The following MGST1 variants were observed in gnomAD, a reference collection of about 807,000 sequenced individuals.
MGST1 encodes microsomal glutathione S-transferase 1.
MGST1 carries 5 observed loss-of-function variants against 8.9 expected under a neutral mutation model. The observed-to-expected ratio is 0.56, with a 90% CI of 0.29 to 1.19. MGST1 has a LOEUF of 1.19. Ranked by LOEUF, MGST1 falls within the 50% of genes most tolerant of loss-of-function variation. The probability of loss-of-function intolerance (pLI) is 0.08; values close to 1 mark genes in which losing one functional copy is unlikely to be tolerated. For missense variants in MGST1, 182 were observed against 187.4 expected (o/e 0.97, Z 0.17); for synonymous variants, 54 against 67.8 (o/e 0.80, Z 1.00).
chr12:16,556,382 T>C (rs189401351), intron 4 of MGST1, among the ~76,000 whole-genome samples: 1 of 152,306 alleles, frequency 6.6e-6, no homozygotes, highest in Admixed American at 6.5e-5. Context: ...GATTCACGTT[T>C]TAGCTATACG....
intron 1 of MGST1, chr12:16,353,537 A>T (rs1456690284): frequency 6.6e-6 from 1 of 152,136 alleles, no homozygotes; most frequent in Non-Finnish European, 1.5e-5. Flanking sequence ...GCTGCTAGGT[A>T]CATAGCTTGA....
intron 4 of MGST1, among the ~76,000 whole-genome samples, chr12:16,534,298 G>A (rs1330727639): frequency 6.6e-6 from 1 of 152,122 alleles, no homozygotes; most frequent in Non-Finnish European, 1.5e-5. Context: ...TGAGATAAAA[G>A]GTATTTGTTA....
At position 16,425,524 on chromosome 12, in the gene MGST1, A is replaced by T. The variant is rs1263546840; in HGVS notation, n.779-11864A>T. Among the ~76,000 whole-genome samples, 3 of 152,140 alleles carry T rather than the reference A, an allele frequency of 2.0e-5. No individual in the cohort carries two copies. In the East Asian group the frequency reaches 5.8e-4, roughly 29 times the overall value. ...GTCTCAAACTCCAGAACTCAAAGTGATCTGCCTTCCAGGCCTCCCAAATTG... is the reference window on the plus strand; with the variant it reads ...GTCTCAAACTCCAGAACTCAAAGTGTTCTGCCTTCCAGGCCTCCCAAATTG... On this transcript the variant is annotated intron_variant and non_coding_transcript_variant, in intron 1 of 1. Coordinates refer to the MGST1 transcript ENST00000359720.
At chr12:16,467,545 A>T (rs1292351843) in intron 4 of MGST1, among the ~76,000 whole-genome samples, 1 of 152,216 alleles carries the variant, frequency 6.6e-6, no homozygotes. Context: ...GAGCCCACAG[A>T]CATAACAGTG....
intron 4 of MGST1, among the ~76,000 whole-genome samples, chr12:16,525,777 C>T (rs1473633419): frequency 6.0e-5 from 9 of 150,876 alleles, no homozygotes; most frequent in Non-Finnish European, 1.0e-4. Flanking sequence ...AAAAGTGTTC[C>T]TATTTCTCCA....
At chr12:16,510,843 A>G (rs1178614497) in intron 4 of MGST1, among the ~76,000 whole-genome samples, 1 of 152,188 alleles carries the variant, frequency 6.6e-6, no homozygotes, top group African/African-American at 2.4e-5. Flanking sequence ...ATAATTTAGA[A>G]GGGAAAGGCA....
At chr12:16,359,076 TA>T (rs530048499) in intron 3 of MGST1, among the ~76,000 whole-genome samples, 2 of 151,894 alleles carry the variant, frequency 1.3e-5, no homozygotes, top group Middle Eastern at 3.4e-3. Flanking sequence ...AAAAATGAAC[TA>T]AAAAAAATGT....
intron 4 of MGST1, among the ~76,000 whole-genome samples, chr12:16,508,200 G>T (rs1941553079): frequency 6.6e-6 from 1 of 152,126 alleles, no homozygotes; most frequent in Non-Finnish European, 1.5e-5. Flanking sequence ...TTAGTACATT[G>T]CTGGTAAATG....
At chr12:16,384,487 G>T (rs1224448718) in intron 1 of MGST1, among the ~76,000 whole-genome samples, 3 of 152,134 alleles carry the variant, frequency 2.0e-5, no homozygotes, top group Non-Finnish European at 2.9e-5. Flanking sequence ...AATGCCAAGG[G>T]TTGCAAGCAA....
In MGST1 at chr12:16,401,838, T is replaced by C; in HGVS notation, n.778+18234T>C. 1.2e-6 allele frequency: 2 copies of C among 1,605,100 alleles called. No homozygotes were observed. The highest frequency in any genetic ancestry group is 1.7e-6 in the Non-Finnish European group (2 of 1,171,740). Reference sequence around the variant, plus strand: ...CATGACTCTTTCCTTGAAGAATTTGTTGAAGACTTCAGAAGTGATGCCAGC... The same window carrying C: ...CATGACTCTTTCCTTGAAGAATTTGCTGAAGACTTCAGAAGTGATGCCAGC... On this transcript the variant is annotated intron_variant and non_coding_transcript_variant, in intron 1 of 1. Coordinates refer to the MGST1 transcript ENST00000359720. The surrounding 1 kb of genome is among the most constrained non-coding windows in gnomAD (Gnocchi z 4.3).
upstream of MGST1, among the ~76,000 whole-genome samples, chr12:16,382,358 A>G (rs188033810): frequency 6.6e-6 from 1 of 152,224 alleles, no homozygotes; most frequent in Non-Finnish European, 1.5e-5. Context: ...CTTCTAACAG[A>G]CAGGACCCTC....
chr12:16,392,093 T>G (rs1480085736), intron 1 of MGST1, among the ~76,000 whole-genome samples: 1 of 152,218 alleles, frequency 6.6e-6, no homozygotes, highest in Non-Finnish European at 1.5e-5. Context: ...TTCTGTTCCA[T>G]TGGTCTATGT....
chr12:16,367,292 C>T (rs988630547), downstream of MGST1: 4 of 152,042 alleles, frequency 2.6e-5, no homozygotes, highest in Non-Finnish European at 5.9e-5. Context: ...ATAGACGAGT[C>T]TATTTTGAAG....
At chr12:16,485,179 C>T (rs753647427) in intron 4 of MGST1, among the ~76,000 whole-genome samples, 1 of 152,184 alleles carries the variant, frequency 6.6e-6, no homozygotes, top group Non-Finnish European at 1.5e-5. Flanking sequence ...GGACATTGTT[C>T]TTGCCTTGTA....
At chr12:16,442,511 TTTTA>T (rs1376481759), downstream of MGST1, among the ~76,000 whole-genome samples, 1 of 151,750 alleles carries the variant, frequency 6.6e-6, no homozygotes, top group Non-Finnish European at 1.5e-5. This position sits in a 1 kb window ranked among gnomAD's most constrained non-coding sequence, Gnocchi z 4.5. Flanking sequence ...AGGTCTTTGT[TTTTA>T]TTTATTTTTT....
intron 1 of MGST1, among the ~76,000 whole-genome samples, chr12:16,390,347 G>C (rs1199694675): frequency 6.6e-6 from 1 of 152,040 alleles, no homozygotes; most frequent in Admixed American, 6.6e-5. Flanking sequence ...TGCTATATAG[G>C]CAAACTCATG....
chr12:16,571,723 C>T (rs1466672001), intron 4 of MGST1, among the ~76,000 whole-genome samples: 1 of 151,928 alleles, frequency 6.6e-6, no homozygotes, highest in African/African-American at 2.4e-5. Context: ...ATTAAATACC[C>T]TTTCAAGATA....
At chr12:16,521,909 C>A (rs1941650313) in intron 4 of MGST1, among the ~76,000 whole-genome samples, 1 of 151,406 alleles carries the variant, frequency 6.6e-6, no homozygotes, top group African/African-American at 2.4e-5. Flanking sequence ...CAAGAGACAC[C>A]TTTGAACTGA....
chr12:16,384,749 A>G (rs1351771433), intron 1 of MGST1, among the ~76,000 whole-genome samples: 2 of 152,264 alleles, frequency 1.3e-5, no homozygotes, highest in South Asian at 2.1e-4. Context: ...GCCCAAAAGC[A>G]TAGTAATATT....
Sources: gnomAD v4.1 joint callset for allele counts (sites outside exome capture counted in the v4.1 genomes callset) on GRCh38, gnomAD v4.1.1 for gene constraint, Gnocchi (gnomAD v3.1) non-coding constraint, MANE v1.5 for transcripts, NCBI Gene and HGNC (gene_info 2026-07-23, HGNC 2026-07-21) for gene names.